Variants in PAN3 observed in about 807,000 individuals in gnomAD.
PAN3 encodes PAN2-PAN3 deadenylation complex subunit PAN3.
Under a neutral mutation model 96.2 loss-of-function variants are expected in PAN3, and 19 were observed. That is an observed-to-expected ratio of 0.20 (90% CI 0.14 to 0.29). PAN3 has a LOEUF of 0.29. Ranked by LOEUF, PAN3 falls within the 10% of genes least tolerant of loss-of-function variation. The pLI, the probability that PAN3 is intolerant of heterozygous loss-of-function variation, is 1.00. For missense variants in PAN3, 882 were observed against 1,108.1 expected (o/e 0.80, Z 2.90); for synonymous variants, 433 against 406.6 (o/e 1.06, Z -0.78).
At chr13:28,255,401 T>G (rs1460120180) in intron 6 of PAN3, among the ~76,000 whole-genome samples, 1 of 152,176 alleles carries the variant, frequency 6.6e-6, no homozygotes, top group African/African-American at 2.4e-5. Flanking sequence ...TATATTTGGG[T>G]TTTTTTAAGT....
At chr13:28,174,212 G>T (rs577054483) in intron 1 of PAN3, 60 bp from the exon 2 acceptor site, 1 of 1,518,606 alleles carries the variant, frequency 6.6e-7, no homozygotes, top group African/African-American at 1.4e-5. Context: ...ACACAGAAGT[G>T]AAATCAATGT....
In PAN3 at chr13:28,146,185, CTGTG is replaced by C. The variant is rs753544427; in HGVS notation, c.430+7102_430+7105del. Among the ~76,000 whole-genome samples the C allele has an allele frequency of 2.6e-5, 4 of 151,476 alleles. No homozygotes were observed. In the East Asian group the frequency reaches 5.8e-4, roughly 22 times the overall value. On this transcript the variant is annotated intron_variant, in intron 1 of 18. Transcript: ENST00000380958. ...TCCAGGGTTAATCATTATTAATAGT[CTGTG>C]TGTTTAGATCTTTTCTACACATTGT...
Position 28,138,739 on chromosome 13 carries a change from G to A in PAN3, c.82G>A (p.Val28Met). ...SSSLAAAVAV[V>M]APPGVGGVPG... ...CTCGCTGGCGGCGGCGGTGGCGGTGGTGGCCCCGCCGGGGGTCGGGGGTGT... is the reference window on the plus strand; with the variant it reads ...CTCGCTGGCGGCGGCGGTGGCGGTGATGGCCCCGCCGGGGGTCGGGGGTGT... The change falls in exon 1 of 19, where the codon GTG (valine) becomes ATG (methionine). Residue 28 changes from valine to methionine, a missense_variant. Val to Met is a conservative substitution (Grantham distance 21). Around this residue, in one of 3 missense-constraint regions of PAN3, gnomAD observed 442 missense variants for 422.8 expected, o/e 1.05. Transcript: ENST00000380958. 1 of 1,296,564 alleles carries A rather than the reference G, an allele frequency of 7.7e-7. No homozygotes were observed. The highest frequency in any genetic ancestry group is 9.8e-7 in the Non-Finnish European group (1 of 1,019,376). 80.3% of individuals were successfully genotyped at this position (1,296,564 alleles called of 1,614,324 possible).
intron 1 of PAN3, among the ~76,000 whole-genome samples, chr13:28,157,078 C>T (rs1872282505): frequency 6.8e-6 from 1 of 147,970 alleles, no homozygotes; most frequent in Non-Finnish European, 1.5e-5. Flanking sequence ...GTCGGGCATA[C>T]ACAAATCAAT....
intron 6 of PAN3, among the ~76,000 whole-genome samples, chr13:28,242,701 A>G (rs189486534): frequency 2.0e-5 from 3 of 152,294 alleles, no homozygotes; most frequent in Admixed American, 2.0e-4. Flanking sequence ...TGGGTACATG[A>G]AGCATCATGG....
chr13:28,195,957 T>G (rs2138224706), intron 4 of PAN3, among the ~76,000 whole-genome samples: 1 of 152,328 alleles, frequency 6.6e-6, no homozygotes, highest in South Asian at 2.1e-4. Context: ...AATTATGTCT[T>G]TTTTAAATTG....
intron 5 of PAN3, among the ~76,000 whole-genome samples, chr13:28,207,295 ACT>A (rs1242065617): frequency 1.3e-5 from 2 of 151,926 alleles, no homozygotes; most frequent in African/African-American, 4.8e-5. Context: ...AATTATTTTT[ACT>A]CTGTTAGTTA....
intron 1 of PAN3, among the ~76,000 whole-genome samples, chr13:28,144,231 TTTTG>T (rs1870274870): frequency 6.8e-6 from 1 of 147,214 alleles, no homozygotes; most frequent in African/African-American, 2.5e-5. Context: ...TTTTTTTTTT[TTTTG>T]ATATGGAGTC....
chr13:28,196,533 A>G (rs1168740159), intron 4 of PAN3, among the ~76,000 whole-genome samples: 1 of 150,682 alleles, frequency 6.6e-6, no homozygotes, highest in East Asian at 1.9e-4. Flanking sequence ...TAAAAGACCA[A>G]TTTGTGTTAC....
chr13:28,198,729 A>T (rs1400894214), intron 5 of PAN3, among the ~76,000 whole-genome samples: 1 of 152,240 alleles, frequency 6.6e-6, no homozygotes. Flanking sequence ...TTTAAAATAT[A>T]TCCCAAGGCA....
intron 6 of PAN3, among the ~76,000 whole-genome samples, chr13:28,236,143 A>G (rs901781385): frequency 6.6e-6 from 1 of 152,210 alleles, no homozygotes; most frequent in African/African-American, 2.4e-5. Flanking sequence ...ATTAAGATTG[A>G]ACATTTTTAA....
intron 1 of PAN3, among the ~76,000 whole-genome samples, chr13:28,139,375 G>A (rs192012283): frequency 1.2e-3 from 183 of 150,720 alleles, no homozygotes; most frequent in Admixed American, 2.0e-3. Context: ...GATGGGCTGT[G>A]GCGTGCGGAG....
intron 6 of PAN3, among the ~76,000 whole-genome samples, chr13:28,234,345 A>G (rs573114959): frequency 6.6e-6 from 1 of 152,282 alleles, no homozygotes; most frequent in African/African-American, 2.4e-5. Context: ...ACTGGCCTCC[A>G]TATGTTAATA....
chr13:28,255,189 G>A (rs1322272067), intron 6 of PAN3, among the ~76,000 whole-genome samples: 1 of 152,038 alleles, frequency 6.6e-6, no homozygotes, highest in East Asian at 1.9e-4. Flanking sequence ...CAGTGGTGAA[G>A]GTTTTTAGGC....
chr13:28,266,958 T>C, intron 10 of PAN3, 82 bp downstream of exon 10: 1 of 1,290,432 alleles, frequency 7.7e-7, no homozygotes, highest in Non-Finnish European at 1.0e-6. Context: ...TATTATTTAA[T>C]ATATGAATTA....
chr13:28,285,309 A>G (rs1338712975), intron 17 of PAN3, among the ~76,000 whole-genome samples: 1 of 152,232 alleles, frequency 6.6e-6, no homozygotes, highest in Non-Finnish European at 1.5e-5. Context: ...GTTAGCGGGT[A>G]CTTTCAGTAC....
intron 1 of PAN3, among the ~76,000 whole-genome samples, chr13:28,166,050 C>T (rs1873499701): frequency 6.6e-6 from 1 of 152,140 alleles, no homozygotes; most frequent in South Asian, 2.1e-4. Flanking sequence ...TTGTCTTTGT[C>T]ACATGCAAAA....
chr13:28,291,040 G>C (rs1227954052), intron 18 of PAN3, among the ~76,000 whole-genome samples: 1 of 152,144 alleles, frequency 6.6e-6, no homozygotes, highest in Non-Finnish European at 1.5e-5. Context: ...GAACTAGCTA[G>C]TAGTAAATAA....
At chr13:28,209,392 A>G (rs1879766411) in intron 5 of PAN3, among the ~76,000 whole-genome samples, 2 of 152,238 alleles carry the variant, frequency 1.3e-5, no homozygotes, top group African/African-American at 2.4e-5. Context: ...TCTCAGGCAT[A>G]AGGAAACTAT....
Sources: allele counts gnomAD v4.1 joint callset (sites outside exome capture counted in the v4.1 genomes callset), GRCh38; gene constraint gnomAD v4.1.1; regional missense constraint gnomAD v4.1.1; transcripts MANE v1.5; gene names NCBI Gene and HGNC (gene_info 2026-07-23, HGNC 2026-07-21).